PACRG: variants seen among roughly 807,000 people sequenced by gnomAD.
PACRG encodes parkin coregulated gene protein.
In PACRG, 29 loss-of-function variants were observed where a neutral mutation model predicts 29.7. The observed-to-expected ratio is 0.98, with a 90% CI of 0.73 to 1.33. The LOEUF is 1.33. Among genes scored for constraint, PACRG ranks in the 40% most tolerant of loss-of-function variants. The probability of loss-of-function intolerance (pLI) is 0.00; values close to 1 mark genes in which losing one functional copy is unlikely to be tolerated. For missense variants in PACRG, 279 were observed against 316.2 expected (o/e 0.88, Z 0.89); for synonymous variants, 116 against 118.7 (o/e 0.98, Z 0.15).
chr6:162,913,671 T>C (rs1796472136), intron 2 of PACRG, among the ~76,000 whole-genome samples: 1 of 152,206 alleles, frequency 6.6e-6, no homozygotes, highest in South Asian at 2.1e-4. Flanking sequence ...ACTTTATATT[T>C]CCACTAGCAG....
In PACRG at chr6:163,292,214, G is replaced by A. The variant is rs188537405; in HGVS notation, c.614-22613G>A. ...GGAAGACCGACCTCGACAGTCGAGG[G>A]GCTGGGGGATAGGATGGGCTTAAGC... On this transcript the variant is annotated intron_variant, in intron 4 of 4. Transcript: ENST00000366888. Among the ~76,000 whole-genome samples the A allele has an allele frequency of 2.8e-4, 43 of 152,260 alleles. 1 individual carries two copies. The highest frequency in any genetic ancestry group is 2.6e-3 in the Admixed American group (40 of 15,288).
intron 3 of PACRG, among the ~76,000 whole-genome samples, chr6:163,067,194 G>A (rs1037745308): frequency 5.9e-5 from 9 of 152,182 alleles, no homozygotes; most frequent in African/African-American, 1.9e-4. Context: ...TAAAATGCAG[G>A]CTCCAGATCA....
At chr6:162,769,025 A>C (rs1378402878) in intron 1 of PACRG, among the ~76,000 whole-genome samples, 1 of 151,928 alleles carries the variant, frequency 6.6e-6, no homozygotes, top group Non-Finnish European at 1.5e-5. Context: ...TCTTAATCCA[A>C]CTCTATATTG....
intron 4 of PACRG, among the ~76,000 whole-genome samples, chr6:163,168,135 C>G (rs905807436): frequency 6.6e-6 from 1 of 152,122 alleles, no homozygotes; most frequent in Non-Finnish European, 1.5e-5. Context: ...ATCATAGATG[C>G]CTAAAGTATC....
chr6:162,728,883 A>G lies in PACRG; in HGVS notation c.156+492A>G, dbSNP rs370987182. Among the ~76,000 whole-genome samples, 103 of 149,934 alleles carry G rather than the reference A, an allele frequency of 6.9e-4. No individual in the cohort carries two copies. The East Asian group carries it at 9.9e-3, about 14-fold the overall frequency. On this transcript the variant is annotated intron_variant, in intron 1 of 4. Coordinates refer to ENST00000366888, the MANE Select transcript of PACRG (RefSeq NM_001080379.2). ...TTTAGAATATCCTAGCATTTGCTCT[A>G]ACAACACTTGTCTCTTACAAAATGA...
intron 3 of PACRG, among the ~76,000 whole-genome samples, chr6:163,088,864 GGATTGTTGCATGAAAGA>G (rs1208549555): frequency 4.6e-5 from 7 of 152,044 alleles, no homozygotes; most frequent in Non-Finnish European, 2.9e-5. Context: ...AGAATTGTAT[GGATTGTTGCATGAAAGA>G]GATTGTTGCA....
At chr6:162,960,711 C>A (rs1800539530) in intron 2 of PACRG, among the ~76,000 whole-genome samples, 1 of 152,106 alleles carries the variant, frequency 6.6e-6, no homozygotes, top group African/African-American at 2.4e-5. Context: ...CATGTACCCC[C>A]TATATCTAAA....
intron 4 of PACRG, among the ~76,000 whole-genome samples, chr6:163,099,389 G>T (rs950148755): frequency 6.6e-6 from 1 of 152,224 alleles, no homozygotes; most frequent in Non-Finnish European, 1.5e-5. Flanking sequence ...CCCCAAGTGA[G>T]CAGGCATGCA....
chr6:163,104,919 T>A (rs1815298290), intron 4 of PACRG, among the ~76,000 whole-genome samples: 1 of 152,216 alleles, frequency 6.6e-6, no homozygotes, highest in Non-Finnish European at 1.5e-5. Flanking sequence ...AGTGTTCTCC[T>A]AGTCTTAACA....
intron 4 of PACRG, among the ~76,000 whole-genome samples, chr6:163,112,775 G>A (rs1269698677): frequency 6.6e-6 from 1 of 152,136 alleles, no homozygotes; most frequent in Non-Finnish European, 1.5e-5. Context: ...TGGGGAAGGG[G>A]GTAGTCTGAT....
intron 4 of PACRG, among the ~76,000 whole-genome samples, chr6:163,241,096 T>C (rs971335426): frequency 6.6e-6 from 1 of 152,232 alleles, no homozygotes; most frequent in Non-Finnish European, 1.5e-5. Flanking sequence ...AATTGGTATT[T>C]GATATTTTTC....
intron 4 of PACRG, among the ~76,000 whole-genome samples, chr6:163,290,917 C>T (rs983329852): frequency 6.6e-6 from 1 of 152,162 alleles, no homozygotes; most frequent in Non-Finnish European, 1.5e-5. Context: ...TCCTCTCTGC[C>T]TCTGACTGGC....
At chr6:163,300,629 T>A (rs1784952487) in intron 4 of PACRG, among the ~76,000 whole-genome samples, 1 of 152,182 alleles carries the variant, frequency 6.6e-6, no homozygotes, top group African/African-American at 2.4e-5. Flanking sequence ...TGACATAAAT[T>A]GGAATTATAA....
At chr6:162,816,927 GTCATAGC>G (rs1787404143) in intron 2 of PACRG, among the ~76,000 whole-genome samples, 1 of 152,180 alleles carries the variant, frequency 6.6e-6, no homozygotes. Flanking sequence ...TGGTCTCAAT[GTCATAGC>G]TCATCCCTCA....
At chr6:162,846,359 C>A (rs539167329) in intron 2 of PACRG, among the ~76,000 whole-genome samples, 1 of 152,184 alleles carries the variant, frequency 6.6e-6, no homozygotes, top group Non-Finnish European at 1.5e-5. Context: ...ATTCTCATAG[C>A]CCCCACACTT....
chr6:163,276,167 CAG>C (rs1784018526), intron 4 of PACRG, among the ~76,000 whole-genome samples: 1 of 152,050 alleles, frequency 6.6e-6, no homozygotes, highest in African/African-American at 2.4e-5. Context: ...GCTGGGACTA[CAG>C]GCGAGCGCTA....
chr6:162,735,713 A>T (rs1354729047), intron 1 of PACRG, among the ~76,000 whole-genome samples: 1 of 152,100 alleles, frequency 6.6e-6, no homozygotes, highest in African/African-American at 2.4e-5. Flanking sequence ...TTCCATTCTC[A>T]ATAATGGCTT....
intron 3 of PACRG, among the ~76,000 whole-genome samples, chr6:163,084,378 A>G (rs1278222553): frequency 6.6e-6 from 1 of 152,242 alleles, no homozygotes; most frequent in Non-Finnish European, 1.5e-5. Context: ...AGTAAGAACA[A>G]AAAGACTTCC....
chr6:163,104,091 T>C (rs566332677), intron 4 of PACRG, among the ~76,000 whole-genome samples: 40 of 152,380 alleles, frequency 2.6e-4, no homozygotes, highest in Admixed American at 5.2e-4. Context: ...TATTATATGC[T>C]GGTAGATCAA....
Sources: gnomAD v4.1 joint callset for allele counts (sites outside exome capture counted in the v4.1 genomes callset) on GRCh38, gnomAD v4.1.1 for gene constraint, MANE v1.5 for transcripts, NCBI Gene and HGNC (gene_info 2026-07-23, HGNC 2026-07-21) for gene names.